Variants in MRC2 observed in about 807,000 individuals in gnomAD.
MRC2 encodes the protein mannose receptor C-type 2.
In MRC2, 84 loss-of-function variants were observed where a neutral mutation model predicts 206.2. That is an observed-to-expected ratio of 0.41 (90% CI 0.34 to 0.49). The LOEUF (loss-of-function observed/expected upper bound fraction) is 0.49, where lower values mean the gene tolerates loss of function less well. Ranked by LOEUF, MRC2 falls within the 20% of genes least tolerant of loss-of-function variation. The probability of loss-of-function intolerance (pLI) is 0.31; values close to 1 mark genes in which losing one functional copy is unlikely to be tolerated. For synonymous variants in MRC2, 798 were observed against 800.0 expected, an observed-to-expected ratio of 1.00 and a Z score of 0.04; for missense variants, 1,676 against 2,001.5, an observed-to-expected ratio of 0.84 and a Z score of 3.10.
At chr17:62,674,232 G>GTTTTT in intron 9 of MRC2, 62 bp downstream of exon 9, 3 of 1,268,052 alleles carry the variant, frequency 2.4e-6, no homozygotes, top group South Asian at 1.4e-5. Flanking sequence ...ACCAGGGGAG[G>GTTTTT]GAGAGGTGGA....
At chr17:62,681,199 T>C in intron 18 of MRC2, 70 bp downstream of exon 18, 1 of 1,553,392 alleles carries the variant, frequency 6.4e-7, no homozygotes, top group Non-Finnish European at 8.8e-7. Context: ...AGAGGCAGAC[T>C]TGCATTTGAA....
intron 1 of MRC2, among the ~76,000 whole-genome samples, chr17:62,650,786 A>G (rs2088546869): frequency 6.6e-6 from 1 of 152,184 alleles, no homozygotes; most frequent in Admixed American, 6.5e-5. Flanking sequence ...CACAGGTCCC[A>G]GTTTGCCGGG....
At chr17:62,689,401 C>G in intron 23 of MRC2, 121 bp from the exon 24 acceptor site, 2 of 664,918 alleles carry the variant, frequency 3.0e-6, no homozygotes, top group Non-Finnish European at 5.2e-6. Flanking sequence ...TGGTCTGGGC[C>G]AAGCGCCGAG....
At chr17:62,681,963 C>A in intron 19 of MRC2, 26 bp downstream of exon 19, 1 of 1,592,326 alleles carries the variant, frequency 6.3e-7, no homozygotes, top group Admixed American at 1.7e-5. Flanking sequence ...GGGCAGAGTG[C>A]GCAGTCAGCT....
chr17:62,663,345 A>G, intron 1 of MRC2, among the ~76,000 whole-genome samples: 1 of 151,852 alleles, frequency 6.6e-6, no homozygotes, highest in East Asian at 1.9e-4. Context: ...TAACTCACAT[A>G]TAGAATTTAC....
At chr17:62,632,711 C>A (rs1485619745) in intron 1 of MRC2, among the ~76,000 whole-genome samples, 2 of 152,162 alleles carry the variant, frequency 1.3e-5, no homozygotes, top group East Asian at 1.9e-4. Context: ...CTTGGGCTGA[C>A]CTGGGGTGAC....
At position 62,676,527 on chromosome 17, in the gene MRC2, G is replaced by C. The variant is rs1322450082; in HGVS notation, c.1830G>C (p.Gln610His). The change falls in exon 11 of 30, where the codon CAG becomes CAC. Residue 610 changes from glutamine (Q) to histidine (H), a missense_variant. This residue lies in a region of MRC2 where 1,354 missense variants were observed against 1,636.6 expected (regional missense o/e 0.83). Coordinates refer to ENST00000303375, the MANE Select transcript of MRC2 (RefSeq NM_006039.5). ...EVMYTHWNRD[Q>H]PGYSRGGCVA... ...TGTACACCCACTGGAACCGGGACCA[G>C]CCCGGTGAGCCCCTTATTTGACTTG... 1.9e-6 allele frequency: 3 copies of C among 1,584,248 alleles called. No homozygotes were observed. The Admixed American group carries it at 5.3e-5, about 28-fold the overall frequency.
Position 62,688,922 on chromosome 17 carries a change from CGGA to C in MRC2, c.3301_3303del (p.Glu1101del), listed in dbSNP as rs1568072118. The C allele has an allele frequency of 6.2e-7, 1 of 1,613,808 alleles. No individual in the cohort carries two copies. The highest frequency in any genetic ancestry group is 1.7e-5 in the Admixed American group (1 of 60,008). Reference sequence around the variant, plus strand: ...GGCCGCTGGGACGATCGGAGCTGCACGGAGGAGACCCATGGCTTCATCTGCCAG... The same window carrying C: ...GGCCGCTGGGACGATCGGAGCTGCACGGAGACCCATGGCTTCATCTGCCAG... On this transcript the variant is annotated inframe_deletion, in exon 23 of 30. Coordinates refer to ENST00000303375, the MANE Select transcript of MRC2 (RefSeq NM_006039.5).
chr17:62,633,363 G>A (rs1215033543), intron 1 of MRC2, among the ~76,000 whole-genome samples: 4 of 151,842 alleles, frequency 2.6e-5, no homozygotes, highest in Admixed American at 2.6e-4. Context: ...TTAGCTGGGT[G>A]TGATGTGGGG....
rs1053669824 is a variant in MRC2 at position 62,691,110 on chromosome 17, G to C, written c.4174G>C (p.Val1392Leu). Reference sequence around the variant, plus strand: ...TTGCACCAACATCACCATGGGTGTCGTCTGCAAGCTTCCTCGTGGTGAGCG... The same window carrying C: ...TTGCACCAACATCACCATGGGTGTCCTCTGCAAGCTTCCTCGTGGTGAGCG... ...GACTNITMGVVCKLPRAEQSS... is the reference protein window; with the variant it reads ...GACTNITMGVLCKLPRAEQSS... Residue 1392 changes from valine (V) to leucine (L), a missense_variant, in exon 28 of 30, where the codon GTC becomes CTC. Val to Leu is a conservative substitution (Grantham distance 32). Around this residue, in one of 3 missense-constraint regions of MRC2, gnomAD observed 1,354 missense variants for 1,636.6 expected, o/e 0.83. Coordinates refer to ENST00000303375, the MANE Select transcript of MRC2 (RefSeq NM_006039.5). 6.2e-7 allele frequency: 1 copy of C among 1,606,962 alleles called. No individual in the cohort carries two copies.
chr17:62,673,841 TA>T (rs1415882644), intron 8 of MRC2, among the ~76,000 whole-genome samples: 4 of 152,170 alleles, frequency 2.6e-5, no homozygotes, highest in African/African-American at 9.7e-5. Context: ...CAATGCTTGT[TA>T]AGTTTCAAGG....
At chr17:62,686,993 T>C (rs1487148197) in intron 20 of MRC2, among the ~76,000 whole-genome samples, 1 of 152,194 alleles carries the variant, frequency 6.6e-6, no homozygotes, top group African/African-American at 2.4e-5. Flanking sequence ...TACTGTGTCA[T>C]GTACTGTTAT....
chr17:62,651,123 C>CA (rs1299839473), intron 1 of MRC2, among the ~76,000 whole-genome samples: 4 of 150,862 alleles, frequency 2.7e-5, no homozygotes, highest in Admixed American at 2.6e-4. Flanking sequence ...CTCGCTCTGT[C>CA]GCCAGGCTGG....
chr17:62,680,002 C>G lies in MRC2; in HGVS notation c.2298+100C>G, dbSNP rs1016139293. On this transcript the variant is annotated intron_variant, in intron 14 of 29. Transcript: ENST00000303375. The surrounding 1 kb of genome is among the most constrained non-coding windows in gnomAD (Gnocchi z 4.8). ...GAGGTGGGCGGGTTTTCTTGAGGGCCGGGCCCCCAGTCGGAGCCGGCTTCA... is the reference window on the plus strand; with the variant it reads ...GAGGTGGGCGGGTTTTCTTGAGGGCGGGGCCCCCAGTCGGAGCCGGCTTCA... 1.4e-6 allele frequency: 2 copies of G among 1,458,824 alleles called. No homozygotes were observed. The highest frequency in any genetic ancestry group is 1.8e-6 in the Non-Finnish European group (2 of 1,081,472). 90.4% of individuals were successfully genotyped at this position (1,458,824 alleles called of 1,614,324 possible).
intron 1 of MRC2, among the ~76,000 whole-genome samples, chr17:62,632,719 G>A (rs779730967): frequency 6.6e-6 from 1 of 152,206 alleles, no homozygotes; most frequent in South Asian, 2.1e-4. Context: ...GACCTGGGGT[G>A]ACGAGAGACA....
intron 11 of MRC2, 154 bp downstream of exon 11, chr17:62,676,685 C>A: frequency 1.1e-6 from 1 of 886,914 alleles, no homozygotes; most frequent in Non-Finnish European, 1.6e-6. Flanking sequence ...ACCAAACTGC[C>A]TGGCTCCGAT....
chr17:62,638,124 A>G (rs560600984), intron 1 of MRC2, among the ~76,000 whole-genome samples: 3 of 152,236 alleles, frequency 2.0e-5, no homozygotes, highest in South Asian at 4.1e-4. Flanking sequence ...CAGCCTCCCA[A>G]GGTGTTGGGA....
At chr17:62,647,818 C>A (rs2088508507) in intron 1 of MRC2, among the ~76,000 whole-genome samples, 1 of 152,198 alleles carries the variant, frequency 6.6e-6, no homozygotes, top group African/African-American at 2.4e-5. Flanking sequence ...GCTGCTACTC[C>A]CATGAGCTCC....
chr17:62,692,049 T>TA lies in MRC2; in HGVS notation c.4193-62dup. ...CCCAGGCCTGTGTGCTTTGTATGTTTACTTAAGTGATTATTACGATGATCA... is the reference window on the plus strand; with the variant it reads ...CCCAGGCCTGTGTGCTTTGTATGTTTAACTTAAGTGATTATTACGATGATCA... On this transcript the variant is annotated intron_variant, in intron 28 of 29. Coordinates refer to ENST00000303375, the MANE Select transcript of MRC2 (RefSeq NM_006039.5). The surrounding 1 kb of genome is among the most constrained non-coding windows in gnomAD (Gnocchi z 4.2). 1 of 1,610,182 alleles carries TA rather than the reference T, an allele frequency of 6.2e-7. No individual in the cohort carries two copies. Among genetic ancestry groups the TA allele is most frequent in the East Asian group, 2.2e-5 (1 of 44,860 alleles).
Sources: gnomAD v4.1 joint callset for allele counts (sites outside exome capture counted in the v4.1 genomes callset) on GRCh38, gnomAD v4.1.1 for gene constraint, gnomAD v4.1.1 regional missense constraint, Gnocchi (gnomAD v3.1) non-coding constraint, MANE v1.5 for transcripts, NCBI Gene and HGNC (gene_info 2026-07-23, HGNC 2026-07-21) for gene names.